DSCAM: variants seen among roughly 807,000 people sequenced by gnomAD.
DSCAM encodes DS cell adhesion molecule.
DSCAM carries 47 observed loss-of-function variants against 217.7 expected under a neutral mutation model. That is an observed-to-expected ratio of 0.22 (90% CI 0.17 to 0.28). DSCAM has a LOEUF of 0.28. DSCAM is among the 10% of genes least tolerant of loss of function. The pLI is 1.00. For synonymous variants in DSCAM, 1,056 were observed against 1,015.3 expected (o/e 1.04, Z -0.76); for missense variants, 2,080 against 2,618.3 (o/e 0.79, Z 4.49).
In DSCAM at chr21:40,055,731, T is replaced by C; in HGVS notation, c.5029A>G (p.Thr1677Ala). The C allele has an allele frequency of 6.2e-7, 1 of 1,611,656 alleles. No homozygotes were observed. The highest frequency in any genetic ancestry group is 8.5e-7 in the Non-Finnish European group (1 of 1,177,904). The change falls in exon 29 of 33, where the codon ACC (threonine) becomes GCC (alanine). Residue 1677 changes from threonine to alanine, a missense_variant. Around this residue, in one of 5 missense-constraint regions of DSCAM, gnomAD observed 1,144 missense variants for 1,421.1 expected, o/e 0.81. Coordinates refer to ENST00000400454, the MANE Select transcript of DSCAM (RefSeq NM_001389.5). The stretch of plus-strand genomic sequence containing the variant: ...GGCAAATAGGGCAGCTTACCAATGG[T>C]CTCCATCGTGTCTCTCTCTTCAATC... The part of the protein sequence containing the change: ...LLIEERDTME[T>A]IDDRSTVLLT...
At chr21:40,310,272 T>C (rs1958835206) in intron 9 of DSCAM, among the ~76,000 whole-genome samples, 1 of 152,196 alleles carries the variant, frequency 6.6e-6, no homozygotes, top group South Asian at 2.1e-4. Context: ...ATTTAATTGG[T>C]GTAGATTGGG....
chr21:40,349,616 T>A (rs1224794329), intron 5 of DSCAM, among the ~76,000 whole-genome samples: 1 of 152,238 alleles, frequency 6.6e-6, no homozygotes, highest in Non-Finnish European at 1.5e-5. Flanking sequence ...CTCCTAATCC[T>A]GTAATTTTTG....
intron 3 of DSCAM, among the ~76,000 whole-genome samples, chr21:40,510,665 C>T (rs1383666798): frequency 6.6e-6 from 1 of 152,168 alleles, no homozygotes; most frequent in Non-Finnish European, 1.5e-5. Context: ...TTGGAGGGTA[C>T]ATTACAGAAG....
chr21:40,561,849 T>C (rs1241181914), intron 3 of DSCAM, among the ~76,000 whole-genome samples: 1 of 152,188 alleles, frequency 6.6e-6, no homozygotes, highest in Non-Finnish European at 1.5e-5. Flanking sequence ...GCAAAAATAC[T>C]AAGGCAGCCT....
intron 3 of DSCAM, among the ~76,000 whole-genome samples, chr21:40,402,594 T>A (rs1189973337): frequency 6.6e-6 from 1 of 152,008 alleles, no homozygotes; most frequent in African/African-American, 2.4e-5. Flanking sequence ...TACCTAAAGT[T>A]AGGCAGACTG....
At chr21:40,392,551 A>G (rs1481841440) in intron 3 of DSCAM, among the ~76,000 whole-genome samples, 1 of 152,230 alleles carries the variant, frequency 6.6e-6, no homozygotes, top group Non-Finnish European at 1.5e-5. Context: ...GTATCCTTCG[A>G]GGTCAGAAAG....
intron 1 of DSCAM, among the ~76,000 whole-genome samples, chr21:40,817,305 A>G (rs757284357): frequency 6.6e-5 from 10 of 152,212 alleles, no homozygotes; most frequent in Non-Finnish European, 1.3e-4. Flanking sequence ...GCTTAAGTGC[A>G]AATCAGATCG....
chr21:40,175,811 A>ACG (rs112452108), intron 15 of DSCAM, among the ~76,000 whole-genome samples: 47,237 of 126,966 alleles, frequency 0.37, 7,783 homozygotes, highest in African/African-American at 0.43. Context: ...ACACACACGC[A>ACG]CACACACACA....
At chr21:40,532,868 C>CTGTGTGTGTGTG (rs58575678) in intron 3 of DSCAM, among the ~76,000 whole-genome samples, 4 of 145,918 alleles carry the variant, frequency 2.7e-5, no homozygotes, top group Non-Finnish European at 6.1e-5. Flanking sequence ...CCACAAGGCT[C>CTGTGTGTGTGTG]TGTGTGTGTG....
At chr21:40,197,886 TC>T (rs568289408) in intron 11 of DSCAM, among the ~76,000 whole-genome samples, 52 of 152,274 alleles carry the variant, frequency 3.4e-4, no homozygotes, top group Admixed American at 3.0e-3. Context: ...AGAAGGAGAA[TC>T]CAGGTCTTCT....
rs138493887 is a variant in DSCAM, at chr21:40,557,744, A to C, written c.508+135066T>G. On this transcript the variant is annotated intron_variant, in intron 3 of 32. Coordinates refer to ENST00000400454, the MANE Select transcript of DSCAM (RefSeq NM_001389.5). ...TCACTGGATGCAGATGCTCAATCTT[A>C]AACTTTCCAGCCATCAGAATTGTGA... is the stretch of plus-strand genomic sequence containing the variant. Among the ~76,000 whole-genome samples the C allele has an allele frequency of 1.4e-3, 215 of 152,282 alleles. 1 individual carries two copies. In the East Asian group the frequency reaches 0.035, roughly 25 times the overall value.
Position 40,532,916 on chromosome 21 carries a change from G to A in DSCAM, c.508+159894C>T, listed in dbSNP as rs184941346. On this transcript the variant is annotated intron_variant, in intron 3 of 32. Transcript: ENST00000400454. The stretch of plus-strand genomic sequence containing the variant: ...TGTGTGTGTGTGTGTGTGTGCACAC[G>A]CACGCGCATGTGCGCATATGTGCTT... Among the ~76,000 whole-genome samples, 12 of 142,948 alleles carry A rather than the reference G, an allele frequency of 8.4e-5. No homozygotes were observed. In the East Asian group the frequency reaches 2.2e-3, roughly 27 times the overall value. The allele number at this position is 142,948 out of a possible 152,430, so 93.8% of individuals were successfully genotyped here.
chr21:40,545,195 G>T (rs1568893570), intron 3 of DSCAM, among the ~76,000 whole-genome samples: 1 of 152,128 alleles, frequency 6.6e-6, no homozygotes, highest in African/African-American at 2.4e-5. Context: ...AAGCCACATG[G>T]ACATCAGCAG....
At position 40,369,235 on chromosome 21, in the gene DSCAM, A is replaced by G. The variant is rs1181646959; in HGVS notation, c.519T>C (p.Phe173=). The change falls in exon 4 of 33, where the codon TTT becomes TTC. Residue 173 remains phenylalanine (F), a synonymous_variant. Transcript: ENST00000400454. Reference sequence around the variant, plus strand: ...ACAAGGCTCCCGTGGATGTGATGAGAAATCTAGATCCTGAAATAGAGGAAA... The same window carrying G: ...ACAAGGCTCCCGTGGATGTGATGAGGAATCTAGATCCTGAAATAGAGGAAA... ...DTVSLVSGSR[F]LITSTGALYI... The G allele has an allele frequency of 1.2e-6, 2 of 1,608,468 alleles. No individual in the cohort carries two copies. The highest frequency in any genetic ancestry group is 1.7e-6 in the Non-Finnish European group (2 of 1,177,746).
intron 3 of DSCAM, among the ~76,000 whole-genome samples, chr21:40,400,149 A>C (rs930566900): frequency 6.6e-6 from 1 of 152,058 alleles, no homozygotes; most frequent in Non-Finnish European, 1.5e-5. Context: ...CACTTTTCCA[A>C]ATTATTGGAG....
At position 40,338,083 on chromosome 21, in the gene DSCAM, CAGG is replaced by C; in HGVS notation, c.1783+15_1783+17del. 6.2e-7 allele frequency: 1 copy of C among 1,610,562 alleles called. No homozygotes were observed. The highest frequency in any genetic ancestry group is 2.2e-5 in the East Asian group (1 of 44,860). ...GCTATGGAATGAGTTGTGTGGGAAC[CAGG>C]AGAACAGGGCTTACCTTTCACGGTC... is the stretch of plus-strand genomic sequence containing the variant. On this transcript the variant is annotated intron_variant, in intron 8 of 32. Coordinates refer to ENST00000400454, the MANE Select transcript of DSCAM (RefSeq NM_001389.5).
chr21:40,321,133 G>A (rs959993029), intron 8 of DSCAM, among the ~76,000 whole-genome samples: 2 of 152,154 alleles, frequency 1.3e-5, no homozygotes, highest in African/African-American at 4.8e-5. Flanking sequence ...ATACGCTAAT[G>A]GAACCATTGT....
intron 11 of DSCAM, among the ~76,000 whole-genome samples, chr21:40,261,403 C>G (rs1181713746): frequency 1.3e-5 from 2 of 152,074 alleles, no homozygotes; most frequent in African/African-American, 4.8e-5. Flanking sequence ...GTGCATGGGC[C>G]TCATCCCATC....
Position 40,630,990 on chromosome 21 carries a change from A to T in DSCAM, c.508+61820T>A, listed in dbSNP as rs78811558. ...TGGAGCATCTGTCATCAATCTGGAT[A>T]ATAAAAGTATTATCATTTTATAAAT... On this transcript the variant is annotated intron_variant, in intron 3 of 32. Transcript: ENST00000400454. 9.9e-3 allele frequency among the ~76,000 whole-genome samples: 1,506 copies of T among 152,312 alleles called. 34 individuals carry two copies. The highest frequency in any genetic ancestry group is 0.035 in the African/African-American group (1,442 of 41,572).
Sources: gnomAD v4.1 joint callset for allele counts (sites outside exome capture counted in the v4.1 genomes callset) on GRCh38, gnomAD v4.1.1 for gene constraint, gnomAD v4.1.1 regional missense constraint, MANE v1.5 for transcripts, NCBI Gene and HGNC (gene_info 2026-07-23, HGNC 2026-07-21) for gene names.